The following ZNF184 variants were observed in gnomAD, a reference collection of about 807,000 sequenced individuals.
The protein encoded by ZNF184 is zinc finger protein 184.
ZNF184 carries 16 observed loss-of-function variants against 54.4 expected under a neutral mutation model. The ratio of observed to expected loss-of-function variants is 0.29; its 90% CI spans 0.20 to 0.45. ZNF184 has a LOEUF of 0.45. ZNF184 is among the 20% of genes least tolerant of loss of function. The pLI is 1.00. For missense variants in ZNF184, 681 were observed against 888.2 expected, an observed-to-expected ratio of 0.77 and a Z score of 2.97; for synonymous variants, 254 against 295.3, an observed-to-expected ratio of 0.86 and a Z score of 1.43.
Position 27,451,444 on chromosome 6 carries a change from C to G in ZNF184, c.2115G>C (p.Lys705Asn). 1 of 1,614,084 alleles carries G rather than the reference C, an allele frequency of 6.2e-7. No individual in the cohort carries two copies. The highest frequency in any genetic ancestry group is 8.5e-7 in the Non-Finnish European group (1 of 1,179,978). ...EKPYNCNECR[K>N]TFSQSTYLIQ... is the part of the protein sequence containing the mutation. ...TGAGATATGTGCTCTGGCTAAAAGT[C>G]TTTCTGCATTCATTACAGTTATAAG... The change falls in exon 6 of 6, where the codon AAG becomes AAC. Residue 705 changes from lysine (K) to asparagine (N), a missense_variant. Coordinates refer to ENST00000683788, the MANE Select transcript of ZNF184 (RefSeq NM_001318891.2).
the ZNF184 span, among the ~76,000 whole-genome samples, chr6:27,411,288 A>C: frequency 6.6e-6 from 1 of 152,136 alleles, no homozygotes; most frequent in Non-Finnish European, 1.5e-5. Flanking sequence ...TCATGATTTA[A>C]TCACTTCCCA....
chr6:27,458,911 T>C (rs1201437131), intron 3 of ZNF184, among the ~76,000 whole-genome samples: 5 of 152,178 alleles, frequency 3.3e-5, no homozygotes, highest in African/African-American at 9.6e-5. Flanking sequence ...TAAAAAAGAA[T>C]AAAATCTTGT....
At chr6:27,467,815 T>C (rs1321796173) in intron 3 of ZNF184, 38 bp downstream of exon 3, 1 of 1,567,706 alleles carries the variant, frequency 6.4e-7, no homozygotes, top group African/African-American at 1.4e-5. Flanking sequence ...AATCACCCTC[T>C]AAAGAATAAA....
chr6:27,450,628 C>T (rs1050814714), downstream of ZNF184: 3 of 151,648 alleles, frequency 2.0e-5, no homozygotes, highest in Admixed American at 6.6e-5. Context: ...CATAACAGCA[C>T]AAATTAAGAC....
At chr6:27,463,015 G>A (rs1763036268) in intron 3 of ZNF184, among the ~76,000 whole-genome samples, 1 of 149,408 alleles carries the variant, frequency 6.7e-6, no homozygotes, top group East Asian at 2.0e-4. Flanking sequence ...TATTCCATAT[G>A]TTCAAAATGT....
chr6:27,424,352 G>C, the ZNF184 span, among the ~76,000 whole-genome samples: 4 of 152,280 alleles, frequency 2.6e-5, no homozygotes, highest in East Asian at 5.8e-4. Context: ...GCTTCCACAG[G>C]GTACAAGGAA....
chr6:27,448,785 C>G (rs1229133590), downstream of ZNF184, among the ~76,000 whole-genome samples: 2 of 151,286 alleles, frequency 1.3e-5, no homozygotes, highest in African/African-American at 4.9e-5. Flanking sequence ...TCCCCCATAT[C>G]AAGCATGTGA....
Position 27,457,377 on chromosome 6 carries a change from G to C in ZNF184, c.108C>G (p.Asp36Glu). The C allele has an allele frequency of 5.0e-6, 8 of 1,613,942 alleles. No individual in the cohort carries two copies. Among genetic ancestry groups the C allele is most frequent in the Non-Finnish European group, 6.8e-6 (8 of 1,179,940 alleles). The change falls in exon 4 of 6, where the codon GAC becomes GAG. Residue 36 changes from aspartate (D) to glutamate (E), a missense_variant. Coordinates refer to ENST00000683788, the MANE Select transcript of ZNF184 (RefSeq NM_001318891.2). ...GCTGTTTCCATTCTTCCTGGGTAAA[G>C]TCCACTATCACATCCTTGAAAGTCA... ...EAVTFKDVIV[D>E]FTQEEWKQLD... is the part of the protein sequence containing the mutation.
the ZNF184 span, among the ~76,000 whole-genome samples, chr6:27,423,827 C>T: frequency 6.6e-6 from 1 of 152,156 alleles, no homozygotes; most frequent in Non-Finnish European, 1.5e-5. Flanking sequence ...AAACTTTTTC[C>T]GATGTTAATA....
rs977537745 is a variant in ZNF184 at position 27,453,642 on chromosome 6, T to C, written c.299-382A>G. On this transcript the variant is annotated intron_variant, in intron 5 of 5. Transcript: ENST00000683788. The surrounding 1 kb of genome is among the most constrained non-coding windows in gnomAD (Gnocchi z 4.7). ...AACAAAACAAAAAATCCAAGAACCA[T>C]GATTTAAAGACAGAACAAACAGGAA... is the stretch of plus-strand genomic sequence containing the variant. Among the ~76,000 whole-genome samples, 2 of 152,148 alleles carry C rather than the reference T, an allele frequency of 1.3e-5. No homozygotes were observed. The highest frequency in any genetic ancestry group is 2.1e-4 in the South Asian group (1 of 4,828).
the ZNF184 span, among the ~76,000 whole-genome samples, chr6:27,424,384 T>C: frequency 8.5e-5 from 13 of 152,332 alleles, no homozygotes; most frequent in African/African-American, 3.1e-4. Flanking sequence ...TTGCCACTGC[T>C]GGCCCCGCAG....
chr6:27,453,382 A>T lies in ZNF184; in HGVS notation c.299-122T>A. The T allele has an allele frequency of 9.9e-7, 1 of 1,007,190 alleles. No homozygotes were observed. The highest frequency in any genetic ancestry group is 1.4e-6 in the Non-Finnish European group (1 of 732,948). The allele number at this position is 1,007,190 out of a possible 1,614,324, so 62.4% of individuals were successfully genotyped here. A position where few individuals can be genotyped will look rare whatever the true frequency, so the allele number is the denominator to read the frequency against. On this transcript the variant is annotated intron_variant, in intron 5 of 5. Transcript: ENST00000683788. This position sits in a 1 kb window ranked among gnomAD's most constrained non-coding sequence, Gnocchi z 4.7. The stretch of plus-strand genomic sequence containing the variant: ...GAAAATTCTAATGGTTTTCAAATAT[A>T]TAGCCATATTATTTGGGGAGAAAGT...
intron 2 of ZNF184, among the ~76,000 whole-genome samples, chr6:27,470,443 T>C (rs1763247114): frequency 6.6e-6 from 1 of 152,190 alleles, no homozygotes; most frequent in Non-Finnish European, 1.5e-5. Context: ...TAATTTATAT[T>C]AATGGTGTCA....
the ZNF184 span, among the ~76,000 whole-genome samples, chr6:27,425,303 C>A: frequency 1.3e-5 from 2 of 152,216 alleles, no homozygotes; most frequent in Non-Finnish European, 2.9e-5. Flanking sequence ...GAAGGGCTCC[C>A]CAAGTGCCGC....
the ZNF184 span, among the ~76,000 whole-genome samples, chr6:27,427,126 A>AAAC: frequency 6.6e-6 from 1 of 151,540 alleles, no homozygotes; most frequent in African/African-American, 2.4e-5. Context: ...TAAAAAAAAA[A>AAAC]AAAAAAAAAA....
At chr6:27,412,274 G>A in the ZNF184 span, among the ~76,000 whole-genome samples, 1 of 152,220 alleles carries the variant, frequency 6.6e-6, no homozygotes, top group African/African-American at 2.4e-5. Context: ...GTTGCCCCAG[G>A]CCACCATCAG....
the ZNF184 span, among the ~76,000 whole-genome samples, chr6:27,440,983 C>A: frequency 1.3e-5 from 2 of 151,304 alleles, no homozygotes; most frequent in African/African-American, 4.9e-5. Context: ...CCAGCCTGGG[C>A]GACAGAGCAA....
At chr6:27,425,110 G>C in the ZNF184 span, among the ~76,000 whole-genome samples, 1 of 152,216 alleles carries the variant, frequency 6.6e-6, no homozygotes, top group Non-Finnish European at 1.5e-5. Flanking sequence ...AGGGCCGGCC[G>C]GCTGCTCCGA....
intron 3 of ZNF184, among the ~76,000 whole-genome samples, chr6:27,465,511 C>CAAAAAAAAAAAAAAAAA (rs1345135612): frequency 2.3e-5 from 2 of 88,442 alleles, no homozygotes. Flanking sequence ...AAAAAAAAAG[C>CAAAAAAAAAAAAAAAAA]AAAACCCAAC....
Sources: allele counts gnomAD v4.1 joint callset (sites outside exome capture counted in the v4.1 genomes callset), GRCh38; gene constraint gnomAD v4.1.1; non-coding constraint Gnocchi (gnomAD v3.1); transcripts MANE v1.5; gene names NCBI Gene and HGNC (gene_info 2026-07-23, HGNC 2026-07-21).